PPIG: variants seen among roughly 807,000 people sequenced by gnomAD.
PPIG encodes the protein peptidylprolyl isomerase G.
In PPIG, 26 loss-of-function variants were observed where a neutral mutation model predicts 87.9. The ratio of observed to expected loss-of-function variants is 0.30; its 90% CI spans 0.22 to 0.41. The LOEUF (loss-of-function observed/expected upper bound fraction) is 0.41, where lower values mean the gene tolerates loss of function less well. Among genes scored for constraint, PPIG ranks in the 10% least tolerant of loss-of-function variants. PPIG has a pLI of 1.00. For missense variants in PPIG, 722 were observed against 879.4 expected, an observed-to-expected ratio of 0.82 and a Z score of 2.26; for synonymous variants, 308 against 276.5, an observed-to-expected ratio of 1.11 and a Z score of -1.13.
At chr2:169,594,782 G>T (rs1051364368) in intron 1 of PPIG, among the ~76,000 whole-genome samples, 1 of 151,034 alleles carries the variant, frequency 6.6e-6, no homozygotes. Context: ...ACATCACTAC[G>T]CTCAGCTAAT....
At chr2:169,622,649 TC>T (rs1458101490) in intron 9 of PPIG, among the ~76,000 whole-genome samples, 1 of 152,196 alleles carries the variant, frequency 6.6e-6, no homozygotes, top group East Asian at 1.9e-4. Flanking sequence ...GAGCCAGACT[TC>T]CAATGGCTAC....
At chr2:169,631,973 T>C (rs781456973) in intron 11 of PPIG, 40 bp downstream of exon 11, 13 of 1,450,764 alleles carry the variant, frequency 9.0e-6, no homozygotes, top group African/African-American at 8.8e-5. Context: ...TGGTTTACCA[T>C]AGAACTTTTC....
intron 1 of PPIG, among the ~76,000 whole-genome samples, chr2:169,595,509 ATTC>A (rs998422111): frequency 1.6e-4 from 24 of 152,146 alleles, no homozygotes; most frequent in African/African-American, 5.5e-4. Context: ...GGTTTTATTG[ATTC>A]TTAACTATTT....
intron 9 of PPIG, among the ~76,000 whole-genome samples, chr2:169,630,476 T>C (rs1336620725): frequency 2.0e-5 from 3 of 152,190 alleles, no homozygotes; most frequent in Non-Finnish European, 2.9e-5. Context: ...TCTTCATTGT[T>C]ATTCTGTGCT....
chr2:169,641,390 AACTAT>A lies in PPIG; in HGVS notation c.*3874_*3878del, dbSNP rs1350921068. ...TTATAGTTAAACATTGTATTAAATA[AACTAT>A]ACTATAATAAACAGTTTGGTTTTGT... is the stretch of plus-strand genomic sequence containing the variant. On this transcript the variant is annotated 3_prime_UTR_variant, in exon 14 of 14. Coordinates refer to ENST00000260970, the MANE Select transcript of PPIG (RefSeq NM_004792.3). 1.3e-5 allele frequency: 2 copies of A among 152,206 alleles called. No individual in the cohort carries two copies. Among genetic ancestry groups the A allele is most frequent in the South Asian group, 2.1e-4 (1 of 4,836 alleles). 9.4% of individuals were successfully genotyped at this position (152,206 alleles called of 1,614,324 possible).
intron 1 of PPIG, among the ~76,000 whole-genome samples, chr2:169,596,542 C>T (rs548635678): frequency 3.9e-5 from 6 of 152,274 alleles, no homozygotes; most frequent in South Asian, 4.1e-4. Flanking sequence ...GGCAGGAAAG[C>T]GGAGAACTTT....
chr2:169,592,303 C>CTTTTT (rs777690234), intron 1 of PPIG, among the ~76,000 whole-genome samples: 24 of 93,594 alleles, frequency 2.6e-4, no homozygotes, highest in Non-Finnish European at 2.9e-4. Flanking sequence ...TGTCTTTTTT[C>CTTTTT]TTTTTTTTTT....
chr2:169,607,506 T>A (rs536397241), intron 6 of PPIG, among the ~76,000 whole-genome samples: 135 of 152,310 alleles, frequency 8.9e-4, no homozygotes, highest in South Asian at 6.0e-3. Flanking sequence ...TGAACATTTT[T>A]AAAAAATCTT....
intron 1 of PPIG, 140 bp downstream of exon 1, chr2:169,584,630 G>T: frequency 2.4e-6 from 1 of 418,160 alleles, no homozygotes; most frequent in Admixed American, 3.5e-5. Flanking sequence ...TCGAGGTATC[G>T]GGGCTGCTTG....
intron 1 of PPIG, among the ~76,000 whole-genome samples, chr2:169,595,365 CTGAA>C (rs1188170083): frequency 2.0e-5 from 3 of 152,174 alleles, no homozygotes; most frequent in African/African-American, 7.2e-5. Context: ...TCACGTTAGA[CTGAA>C]TGAAGTATCC....
intron 5 of PPIG, among the ~76,000 whole-genome samples, chr2:169,606,591 CAAAAA>C (rs71006009): frequency 3.5e-5 from 3 of 85,024 alleles, no homozygotes; most frequent in East Asian, 4.0e-4. Flanking sequence ...GACTCTGTCT[CAAAAA>C]AAAAAAAAAA....
In PPIG at chr2:169,637,441, A is replaced by G. The variant is rs1308342588; in HGVS notation, c.2183A>G (p.Gln728Arg). Reference sequence around the variant, plus strand: ...AAAGAAAACCAAAAATCAAAAGGTCAAGAAAATGACCATGTACATGAAAAA... The same window carrying G: ...AAAGAAAACCAAAAATCAAAAGGTCGAGAAAATGACCATGTACATGAAAAA... Reference protein sequence around the residue: ...VEKENQKSKGQENDHVHEKNK... With the variant: ...VEKENQKSKGRENDHVHEKNK... Residue 728 changes from glutamine (Q) to arginine (R), a missense_variant, in exon 14 of 14, where the codon CAA (glutamine) becomes CGA (arginine). Gln to Arg is a conservative substitution (Grantham distance 43). Transcript: ENST00000260970. 6.2e-7 allele frequency: 1 copy of G among 1,612,358 alleles called. No individual in the cohort carries two copies. Among genetic ancestry groups the G allele is most frequent in the Middle Eastern group, 1.7e-4 (1 of 5,998 alleles).
Position 169,637,590 on chromosome 2 carries a change from T to C in PPIG, c.*67T>C. ...AGTTTGAGAGACTTGCTAATGAATC[T>C]CCTTTATGTTGTTTTCCTTTTCATT... On this transcript the variant is annotated 3_prime_UTR_variant, in exon 14 of 14. Coordinates refer to ENST00000260970, the MANE Select transcript of PPIG (RefSeq NM_004792.3). 7.3e-7 allele frequency: 1 copy of C among 1,363,588 alleles called. No individual in the cohort carries two copies. The highest frequency in any genetic ancestry group is 2.4e-5 in the East Asian group (1 of 41,174). The allele number at this position is 1,363,588 out of a possible 1,614,324, so 84.5% of individuals were successfully genotyped here. A position where few individuals can be genotyped will look rare whatever the true frequency, so the allele number is the denominator to read the frequency against.
chr2:169,635,192 A>G (rs1016100060), intron 12 of PPIG, among the ~76,000 whole-genome samples: 1 of 152,190 alleles, frequency 6.6e-6, no homozygotes, highest in African/African-American at 2.4e-5. Flanking sequence ...CAGAATTGTC[A>G]TTTAAAAATG....
Position 169,636,595 on chromosome 2 carries a change from A to T in PPIG, c.1337A>T (p.Asp446Val), listed in dbSNP as rs1360593970. ...RDIRRNSEKDDKYKNKVKKRA... is the reference protein window; with the variant it reads ...RDIRRNSEKDVKYKNKVKKRA... ...ATCAGAAGAAATTCAGAAAAAGATG[A>T]CAAGTATAAAAACAAAGTGAAGAAA... Residue 446 changes from aspartate (D) to valine (V), a missense_variant, in exon 14 of 14, where the codon GAC (aspartate) becomes GTC (valine). By Grantham distance (152) the Asp-to-Val change is radical. This residue lies in a region of PPIG where 476 missense variants were observed against 483.1 expected (regional missense o/e 0.99). Coordinates refer to ENST00000260970, the MANE Select transcript of PPIG (RefSeq NM_004792.3). 3.1e-6 allele frequency: 5 copies of T among 1,596,688 alleles called. No individual in the cohort carries two copies. Among genetic ancestry groups the T allele is most frequent in the Non-Finnish European group, 4.3e-6 (5 of 1,175,634 alleles).
intron 1 of PPIG, among the ~76,000 whole-genome samples, chr2:169,597,941 T>G (rs1054103829): frequency 6.6e-6 from 1 of 152,062 alleles, no homozygotes; most frequent in Non-Finnish European, 1.5e-5. Context: ...GGTGTTTCAA[T>G]CCTTCTGCCT....
chr2:169,591,792 T>TTC (rs1553543213), intron 1 of PPIG, among the ~76,000 whole-genome samples: 3 of 151,458 alleles, frequency 2.0e-5, no homozygotes, highest in Non-Finnish European at 4.4e-5. Context: ...TTTTTTTTTT[T>TTC]CCAAGAAAAA....
At chr2:169,632,514 G>A (rs1308988468) in intron 11 of PPIG, among the ~76,000 whole-genome samples, 1 of 152,136 alleles carries the variant, frequency 6.6e-6, no homozygotes, top group Non-Finnish European at 1.5e-5. Context: ...GGCTGAGGCG[G>A]GCAGATCACG....
chr2:169,620,018 A>G lies in PPIG; in HGVS notation c.547+5294A>G, dbSNP rs547457313. The stretch of plus-strand genomic sequence containing the variant: ...GTATGGTTTGCAAATATTTTCTCCC[A>G]TTCCAGAGGTTGTATCTTCACTCTG... On this transcript the variant is annotated intron_variant, in intron 9 of 13. Transcript: ENST00000260970. Among the ~76,000 whole-genome samples, 110 of 152,250 alleles carry G rather than the reference A, an allele frequency of 7.2e-4. No homozygotes were observed. In the South Asian group the frequency reaches 0.022, roughly 31 times the overall value.
Sources: gnomAD v4.1 joint callset for allele counts (sites outside exome capture counted in the v4.1 genomes callset) on GRCh38, gnomAD v4.1.1 for gene constraint, gnomAD v4.1.1 regional missense constraint, MANE v1.5 for transcripts, NCBI Gene and HGNC (gene_info 2026-07-23, HGNC 2026-07-21) for gene names.